The following CSMD1 variants were observed in gnomAD, a reference collection of about 807,000 sequenced individuals.
CSMD1 encodes CUB and sushi domain-containing protein 1.
A neutral mutation model predicts 417.5 loss-of-function variants in CSMD1; 213 were observed. That is an observed-to-expected ratio of 0.51 (90% CI 0.46 to 0.57). The LOEUF is 0.57. Among genes scored for constraint, CSMD1 ranks in the 20% least tolerant of loss-of-function variants. CSMD1 has a pLI of 0.00. For missense variants in CSMD1, 6,923 were observed against 4,529.7 expected (o/e 1.53, Z -15.17); for synonymous variants, 2,862 against 1,736.8 (o/e 1.65, Z -16.11).
In CSMD1 at chr8:3,052,771, C is replaced by CT. The variant is rs1021532094; in HGVS notation, c.7475-125dup. On this transcript the variant is annotated intron_variant, in intron 49 of 69. Coordinates refer to ENST00000635120, the MANE Select transcript of CSMD1 (RefSeq NM_033225.6). The stretch of plus-strand genomic sequence containing the variant: ...TTCATTAAAATTGTGAATTATATTT[C>CT]TTTTTTTTTCTTTCTTTTTTTTTTC... 609 of 584,884 alleles carry CT rather than the reference C, an allele frequency of 1.0e-3. 4 individuals carry two copies. The highest frequency in any genetic ancestry group is 1.4e-3 in the Middle Eastern group (3 of 2,130). 36.2% of individuals were successfully genotyped at this position (584,884 alleles called of 1,614,324 possible). A position where few individuals can be genotyped will look rare whatever the true frequency, so the allele number is the denominator to read the frequency against.
intron 3 of CSMD1, among the ~76,000 whole-genome samples, chr8:4,318,657 A>ATT (rs199617838): frequency 1.6e-5 from 1 of 62,120 alleles, no homozygotes; most frequent in Non-Finnish European, 5.6e-5. Context: ...GACGTCACTG[A>ATT]TTGTTTTTGA....
At position 4,507,020 on chromosome 8, in the gene CSMD1, A is replaced by T. The variant is rs147744479; in HGVS notation, c.303-86955T>A. Among the ~76,000 whole-genome samples the T allele has an allele frequency of 5.3e-5, 8 of 152,248 alleles. No homozygotes were observed. In the East Asian group the frequency reaches 1.5e-3, roughly 29 times the overall value. The stretch of plus-strand genomic sequence containing the variant: ...ATTCCTAAGAATGCTTTTCCAGGAC[A>T]TTTTCAAAATTCCTTGCCTTTTCAA... On this transcript the variant is annotated intron_variant, in intron 2 of 69. Coordinates refer to ENST00000635120, the MANE Select transcript of CSMD1 (RefSeq NM_033225.6).
intron 3 of CSMD1, among the ~76,000 whole-genome samples, chr8:4,237,551 T>C (rs1204037109): frequency 2.0e-5 from 3 of 152,112 alleles, no homozygotes; most frequent in Admixed American, 6.5e-5. Context: ...TTTTTTGTTT[T>C]TGAGTTGGAG....
intron 12 of CSMD1, among the ~76,000 whole-genome samples, chr8:3,419,073 T>C (rs897035041): frequency 6.6e-6 from 1 of 152,232 alleles, no homozygotes. Context: ...GTTGCCATTG[T>C]TTAAGGCTGA....
chr8:3,186,314 G>C (rs1585592898), intron 36 of CSMD1, among the ~76,000 whole-genome samples: 1 of 152,180 alleles, frequency 6.6e-6, no homozygotes, highest in African/African-American at 2.4e-5. Context: ...GGAAGAAAGA[G>C]GGATTTCCTG....
At chr8:3,274,687 C>T (rs1005000105) in intron 26 of CSMD1, among the ~76,000 whole-genome samples, 7 of 152,028 alleles carry the variant, frequency 4.6e-5, no homozygotes, top group Non-Finnish European at 8.8e-5. Flanking sequence ...ATGTAATGGC[C>T]TTCTTTGTCT....
chr8:4,755,749 T>C (rs1245054137), intron 1 of CSMD1, among the ~76,000 whole-genome samples: 2 of 152,218 alleles, frequency 1.3e-5, no homozygotes, highest in Non-Finnish European at 2.9e-5. Context: ...TACATATTCA[T>C]TGCTTTTTGA....
chr8:3,845,831 AT>A (rs1001569564), intron 5 of CSMD1, among the ~76,000 whole-genome samples: 70 of 149,956 alleles, frequency 4.7e-4, no homozygotes, highest in East Asian at 1.9e-3. Flanking sequence ...CTTCTATTTA[AT>A]TTTTTTTTTA....
At chr8:3,744,731 G>C (rs542718884) in intron 6 of CSMD1, among the ~76,000 whole-genome samples, 2 of 152,304 alleles carry the variant, frequency 1.3e-5, no homozygotes, top group East Asian at 1.9e-4. Flanking sequence ...AAGAGTCAGT[G>C]ACTTACAGCA....
chr8:4,289,103 G>A (rs890147967), intron 3 of CSMD1, among the ~76,000 whole-genome samples: 18 of 152,090 alleles, frequency 1.2e-4, no homozygotes, highest in African/African-American at 3.1e-4. Context: ...AACAGCAAAA[G>A]AAAAATTTTA....
At chr8:3,133,117 C>T (rs1240382826) in intron 41 of CSMD1, among the ~76,000 whole-genome samples, 1 of 152,208 alleles carries the variant, frequency 6.6e-6, no homozygotes, top group Non-Finnish European at 1.5e-5. Context: ...CTGGATGTCA[C>T]CCACTGCAGC....
At chr8:3,582,473 G>A (rs146795985) in intron 9 of CSMD1, among the ~76,000 whole-genome samples, 27 of 152,192 alleles carry the variant, frequency 1.8e-4, no homozygotes, top group African/African-American at 6.3e-4. Flanking sequence ...CCAGGAAGTG[G>A]GGCACAACTC....
intron 5 of CSMD1, among the ~76,000 whole-genome samples, chr8:3,772,100 T>C (rs1251196282): frequency 2.0e-5 from 3 of 149,880 alleles, no homozygotes; most frequent in African/African-American, 7.4e-5. Flanking sequence ...ATTAGGGTGA[T>C]TTTGTGTGAG....
At chr8:4,306,969 A>G (rs1244432437) in intron 3 of CSMD1, among the ~76,000 whole-genome samples, 4 of 152,112 alleles carry the variant, frequency 2.6e-5, no homozygotes, top group African/African-American at 9.7e-5. Context: ...CATCTCTCAG[A>G]TCGACTGTCT....
At chr8:3,047,395 G>T (rs541057360) in intron 50 of CSMD1, among the ~76,000 whole-genome samples, 18 of 152,076 alleles carry the variant, frequency 1.2e-4, no homozygotes, top group African/African-American at 4.1e-4. Context: ...TTCATGTCCT[G>T]TGCATATCTT....
chr8:4,591,121 T>C (rs145203139), intron 2 of CSMD1, among the ~76,000 whole-genome samples: 41 of 152,352 alleles, frequency 2.7e-4, no homozygotes, highest in Non-Finnish European at 5.1e-4. Context: ...ATCAAAAGTA[T>C]TGAGTTCTGA....
At chr8:3,972,252 T>C (rs534383615) in intron 5 of CSMD1, among the ~76,000 whole-genome samples, 16 of 152,198 alleles carry the variant, frequency 1.1e-4, no homozygotes, top group South Asian at 2.1e-4. Flanking sequence ...TTAAATAGTA[T>C]TGACCTTGTG....
Position 3,162,272 on chromosome 8 carries a change from C to T in CSMD1, c.5731G>A (p.Gly1911Ser). 1 of 1,598,486 alleles carries T rather than the reference C, an allele frequency of 6.3e-7. No homozygotes were observed. Among genetic ancestry groups the T allele is most frequent in the South Asian group, 1.1e-5 (1 of 88,796 alleles). ...GCTGGTTCTTGGCATGCAGCAAGAC[C>T]TACAGCTAGAAATGCAAAGACAAAT... ...AGFHLEYKTV[G>S]LAACQEPALP... The change falls in exon 38 of 70, where the codon GGT (glycine) becomes AGT (serine). Residue 1911 changes from glycine to serine, a missense_variant. Gly to Ser is a moderately conservative substitution (Grantham distance 56, BLOSUM62 0). Coordinates refer to ENST00000635120, the MANE Select transcript of CSMD1 (RefSeq NM_033225.6).
chr8:3,288,109 C>A (rs1418256929), intron 25 of CSMD1, among the ~76,000 whole-genome samples: 2 of 147,076 alleles, frequency 1.4e-5, no homozygotes, highest in African/African-American at 5.4e-5. Context: ...TTACATTTAT[C>A]GATTTTCATT....
Sources: allele counts gnomAD v4.1 joint callset (sites outside exome capture counted in the v4.1 genomes callset), GRCh38; gene constraint gnomAD v4.1.1; transcripts MANE v1.5; gene names NCBI Gene and HGNC (gene_info 2026-07-23, HGNC 2026-07-21).